RRP12: variants seen among roughly 807,000 people sequenced by gnomAD.
RRP12 encodes the protein RRP12-like protein.
A neutral mutation model predicts 157.3 loss-of-function variants in RRP12; 78 were observed. That is an observed-to-expected ratio of 0.50 (90% CI 0.41 to 0.60). The LOEUF is 0.60. RRP12 is among the 20% of genes least tolerant of loss of function. The pLI, the probability that RRP12 is intolerant of heterozygous loss-of-function variation, is 0.00. For missense variants in RRP12, 1,521 were observed against 1,679.9 expected, an observed-to-expected ratio of 0.91 and a Z score of 1.65; for synonymous variants, 726 against 670.9, an observed-to-expected ratio of 1.08 and a Z score of -1.27.
At chr10:97,400,076 G>C (rs1845096434) in intron 2 of RRP12, among the ~76,000 whole-genome samples, 1 of 152,204 alleles carries the variant, frequency 6.6e-6, no homozygotes, top group Non-Finnish European at 1.5e-5. Context: ...GCTGAGGAGA[G>C]AAATGTTTGG....
chr10:97,398,038 TA>T (rs1324583320), intron 2 of RRP12, among the ~76,000 whole-genome samples: 8 of 64,328 alleles, frequency 1.2e-4, no homozygotes, highest in East Asian at 1.2e-3. Flanking sequence ...TATATATACG[TA>T]TTTTTTTTTT....
rs1843730821 is a variant in RRP12 at position 97,357,144 on chromosome 10, G to A, written c.3844C>T (p.Arg1282Ter). 7.4e-6 allele frequency: 12 copies of A among 1,613,352 alleles called. No individual in the cohort carries two copies. Among genetic ancestry groups the A allele is most frequent in the East Asian group, 6.7e-5 (3 of 44,826 alleles). Residue 1282 changes from arginine (R) to a stop codon, truncating the protein, a stop_gained, in exon 34 of 34, where the codon CGA becomes TGA. Coordinates refer to ENST00000370992, the MANE Select transcript of RRP12 (RefSeq NM_015179.4). LOFTEE classifies it high-confidence loss of function. ...TTTTTGTGTCCCACCTGGGAACCTC[G>A]CCGGGCAGCCTTCACCAGGCCTTTG... The part of the protein sequence containing the change: ...QFKGLVKAAR[R>*]GSQVGHKNRR...
chr10:97,356,966 C>A lies in RRP12; in HGVS notation c.*128G>T. The A allele has an allele frequency of 1.7e-6, 1 of 603,094 alleles. No individual in the cohort carries two copies. Among genetic ancestry groups the A allele is most frequent in the Non-Finnish European group, 2.9e-6 (1 of 340,588 alleles). 37.4% of individuals were successfully genotyped at this position (603,094 alleles called of 1,614,324 possible). On this transcript the variant is annotated 3_prime_UTR_variant, in exon 34 of 34. Coordinates refer to ENST00000370992, the MANE Select transcript of RRP12 (RefSeq NM_015179.4). ...AAATCCAGGACTTCTGAGAGCCAAG[C>A]CCTAGTTCCAAGTCATCCTGAGTCC...
intron 2 of RRP12, among the ~76,000 whole-genome samples, chr10:97,398,887 G>C (rs1277780010): frequency 6.6e-6 from 1 of 151,816 alleles, no homozygotes; most frequent in Non-Finnish European, 1.5e-5. Flanking sequence ...TTGAAGACTT[G>C]GTATCATAAA....
At chr10:97,380,132 C>T (rs1349790926) in intron 13 of RRP12, among the ~76,000 whole-genome samples, 2 of 152,244 alleles carry the variant, frequency 1.3e-5, no homozygotes, top group African/African-American at 4.8e-5. Context: ...AGCCCTCCCC[C>T]AGCCACACTT....
At chr10:97,372,600 C>T in intron 19 of RRP12, 136 bp downstream of exon 19, 1 of 759,044 alleles carries the variant, frequency 1.3e-6, no homozygotes, top group South Asian at 1.6e-5. Flanking sequence ...AGCACAGCCT[C>T]TCAGCACAGC....
chr10:97,357,447 T>C (rs763603924), intron 33 of RRP12, among the ~76,000 whole-genome samples: 1 of 152,140 alleles, frequency 6.6e-6, no homozygotes, highest in Non-Finnish European at 1.5e-5. Flanking sequence ...CTCTAATGTA[T>C]GTCCAGAGAA....
At position 97,396,284 on chromosome 10, in the gene RRP12, A is replaced by C; in HGVS notation, c.387T>G (p.Ala129=). ...AAHKEICAVL[A]AVTEVIRSQG... is the part of the protein sequence containing the mutation. ...GGGAGCGAATCACCTCAGTGACAGC[A>C]GCCAGAACAGCACAGATCTGCACAG... The change falls in exon 3 of 34, where the codon GCT becomes GCG. Residue 129 remains alanine (A), a synonymous_variant. Coordinates refer to ENST00000370992, the MANE Select transcript of RRP12 (RefSeq NM_015179.4). 6.2e-7 allele frequency: 1 copy of C among 1,613,810 alleles called. No individual in the cohort carries two copies. Among genetic ancestry groups the C allele is most frequent in the Non-Finnish European group, 8.5e-7 (1 of 1,179,750 alleles).
chr10:97,387,948 A>C (rs1364807105), intron 8 of RRP12: 1 of 125,752 alleles, frequency 8.0e-6, no homozygotes, highest in Non-Finnish European at 1.6e-5. Context: ...TCTCAAAAAA[A>C]AAAAAAAAAA....
intron 2 of RRP12, among the ~76,000 whole-genome samples, chr10:97,399,522 A>G (rs1041774008): frequency 1.3e-5 from 2 of 151,874 alleles, no homozygotes; most frequent in African/African-American, 4.8e-5. Context: ...TTTTATTTCA[A>G]TAACAAAAAA....
chr10:97,386,108 C>T (rs1564764402), intron 8 of RRP12, 115 bp from the exon 9 acceptor site: 2 of 650,394 alleles, frequency 3.1e-6, no homozygotes, highest in Non-Finnish European at 2.8e-6. Context: ...TCACACATGC[C>T]CCCCACACAG....
intron 4 of RRP12, among the ~76,000 whole-genome samples, 188 bp from the exon 5 acceptor site, chr10:97,391,032 G>A (rs981173515): frequency 6.6e-6 from 1 of 152,074 alleles, no homozygotes; most frequent in Non-Finnish European, 1.5e-5. Flanking sequence ...CGGGATCCCT[G>A]CCTCTCTCAC....
Position 97,358,764 on chromosome 10 carries a change from A to G in RRP12, c.3709-145T>C, listed in dbSNP as rs1202092076. The G allele has an allele frequency of 7.5e-6, 6 of 797,902 alleles. No individual in the cohort carries two copies. The African/African-American group carries it at 1.0e-4, about 14-fold the overall frequency. 49.4% of individuals were successfully genotyped at this position (797,902 alleles called of 1,614,324 possible). A position where few individuals can be genotyped will look rare whatever the true frequency, so the allele number is the denominator to read the frequency against. On this transcript the variant is annotated intron_variant, in intron 32 of 33. Transcript: ENST00000370992. Reference sequence around the variant, plus strand: ...TCCTGTATCCTTGGAAGGCCATTCAATAAGGTCCCCCATTTCAGATGCCAC... The same window carrying G: ...TCCTGTATCCTTGGAAGGCCATTCAGTAAGGTCCCCCATTTCAGATGCCAC...
At position 97,360,544 on chromosome 10, in the gene RRP12, A is replaced by C; in HGVS notation, c.3640+2T>G. 6.2e-7 allele frequency: 1 copy of C among 1,610,754 alleles called. No homozygotes were observed. The highest frequency in any genetic ancestry group is 8.5e-7 in the Non-Finnish European group (1 of 1,177,090). ...CCCAGGAGAGAGGAGTGGAAGCCTC[A>C]CCTTGGTACTGAGGGGGTATCTCCA... On this transcript the variant is annotated splice_donor_variant, in intron 31 of 33. Transcript: ENST00000370992. LOFTEE classifies it high-confidence loss of function.
chr10:97,399,631 G>A (rs889009897), intron 2 of RRP12, among the ~76,000 whole-genome samples: 8 of 151,868 alleles, frequency 5.3e-5, no homozygotes, highest in Admixed American at 5.3e-4. Flanking sequence ...AAGGTGGGCG[G>A]ATTACCTGAG....
rs201900311 is a variant in RRP12, at chr10:97,381,841, G to C, written c.1209-15C>G. On this transcript the variant is annotated splice_polypyrimidine_tract_variant and intron_variant, in intron 10 of 33. Coordinates refer to ENST00000370992, the MANE Select transcript of RRP12 (RefSeq NM_015179.4). ...CCCACTGCAACCTGTCAAGACAAAAGGTTTCTGTGGGGCCTGGCCTGAGCC... is the reference window on the plus strand; with the variant it reads ...CCCACTGCAACCTGTCAAGACAAAACGTTTCTGTGGGGCCTGGCCTGAGCC... 6.3e-7 allele frequency: 1 copy of C among 1,598,472 alleles called. No homozygotes were observed. Among genetic ancestry groups the C allele is most frequent in the Non-Finnish European group, 8.6e-7 (1 of 1,166,450 alleles).
At chr10:97,378,754 G>A (rs1045678652) in intron 15 of RRP12, among the ~76,000 whole-genome samples, 7 of 152,266 alleles carry the variant, frequency 4.6e-5, no homozygotes, top group African/African-American at 9.6e-5. Flanking sequence ...CTACTCGGGA[G>A]GCTGAGGCAG....
At chr10:97,387,425 C>G (rs1844666458) in intron 8 of RRP12, among the ~76,000 whole-genome samples, 1 of 150,992 alleles carries the variant, frequency 6.6e-6, no homozygotes, top group South Asian at 2.1e-4. Flanking sequence ...CCTCAACCTC[C>G]TGGGCTCAAG....
At position 97,393,689 on chromosome 10, in the gene RRP12, C is replaced by G; in HGVS notation, c.525G>C (p.Leu175=). 1.2e-6 allele frequency: 2 copies of G among 1,613,932 alleles called. No homozygotes were observed. The highest frequency in any genetic ancestry group is 2.2e-5 in the South Asian group (2 of 91,078). ...AAVAYLLNLV[L]KRVPSPVLIK... ...AAACAGGAGGCAGAACTCACCGCTTCAGGACAAGGTTCAGCAGGTAAGCAA... is the reference window on the plus strand; with the variant it reads ...AAACAGGAGGCAGAACTCACCGCTTGAGGACAAGGTTCAGCAGGTAAGCAA... Residue 175 remains leucine, a synonymous_variant, in exon 4 of 34, where the codon CTG becomes CTC. Transcript: ENST00000370992.
Sources: gnomAD v4.1 joint callset for allele counts (sites outside exome capture counted in the v4.1 genomes callset) on GRCh38, gnomAD v4.1.1 for gene constraint, MANE v1.5 for transcripts, NCBI Gene and HGNC (gene_info 2026-07-23, HGNC 2026-07-21) for gene names.